Variants in FAAH2 observed in about 807,000 individuals in gnomAD.
FAAH2 encodes fatty acid amide hydrolase 2, also known as fatty-acid amide hydrolase 2.
A neutral mutation model predicts 36.9 loss-of-function variants in FAAH2; 60 were observed. That is an observed-to-expected ratio of 1.63 (90% CI 1.32 to 2.02). The LOEUF (loss-of-function observed/expected upper bound fraction) is 2.02, where lower values mean the gene tolerates loss of function less well. FAAH2 is among the 30% of genes most tolerant of loss of function. The pLI is 0.00. For missense variants in FAAH2, 689 were observed against 397.5 expected, an observed-to-expected ratio of 1.73 and a Z score of -6.23; for synonymous variants, 214 against 143.8, an observed-to-expected ratio of 1.49 and a Z score of -3.49.
At chrX:57,181,104 A>T in the FAAH2 span, among the ~76,000 whole-genome samples, 1 of 111,678 alleles carries the variant, frequency 9.0e-6, no homozygotes, top group Non-Finnish European at 1.9e-5. Flanking sequence ...GCTCTCAACA[A>T]ACTAGATTTT....
the FAAH2 span, among the ~76,000 whole-genome samples, chrX:57,186,576 A>C: frequency 8.9e-5 from 10 of 111,746 alleles, no homozygotes; most frequent in African/African-American, 3.3e-4. Context: ...ATTAGATCCC[A>C]CTTGTCAATT....
chrX:57,185,448 T>C, the FAAH2 span, among the ~76,000 whole-genome samples: 1 of 110,349 alleles, frequency 9.1e-6, no homozygotes, highest in Non-Finnish European at 1.9e-5. Context: ...AAATCCATTG[T>C]GTAGAAGTAC....
chrX:57,231,034 AGTGTGTGTGTGT>A, the FAAH2 span, among the ~76,000 whole-genome samples: 134 of 94,455 alleles, frequency 1.4e-3, 1 homozygote, highest in Middle Eastern at 5.5e-3. Flanking sequence ...CTCCAAAGGA[AGTGTGTGTGTGT>A]GTGTGTGTGT....
chrX:57,358,940 G>A (rs1312121529), intron 5 of FAAH2, among the ~76,000 whole-genome samples: 1 of 110,969 alleles, frequency 9.0e-6, no homozygotes, highest in African/African-American at 3.3e-5. Context: ...TGGGGTACAT[G>A]AGATATTTTG....
At chrX:57,242,060 C>A in the FAAH2 span, among the ~76,000 whole-genome samples, 3 of 112,721 alleles carry the variant, frequency 2.7e-5, no homozygotes, top group Admixed American at 9.3e-5. Flanking sequence ...CAGAGAGCAG[C>A]GTATCCTGAC....
chrX:57,212,018 A>G, the FAAH2 span, among the ~76,000 whole-genome samples: 2 of 111,872 alleles, frequency 1.8e-5, no homozygotes, highest in African/African-American at 6.5e-5. Context: ...AGATGATTGC[A>G]TGAAGCCCAG....
At chrX:57,148,327 C>T in the FAAH2 span, among the ~76,000 whole-genome samples, 1 of 111,694 alleles carries the variant, frequency 9.0e-6, no homozygotes, top group African/African-American at 3.3e-5. Flanking sequence ...ATGGGGATGG[C>T]ATTGAATCTA....
At chrX:57,437,795 T>C (rs1256161312) in intron 8 of FAAH2, among the ~76,000 whole-genome samples, 1 of 102,463 alleles carries the variant, frequency 9.8e-6, no homozygotes, top group Non-Finnish European at 2.0e-5. Flanking sequence ...ATATTAAATA[T>C]GTTATAATCA....
the FAAH2 span, among the ~76,000 whole-genome samples, chrX:57,196,591 G>A: frequency 9.0e-6 from 1 of 111,526 alleles, no homozygotes; most frequent in East Asian, 2.8e-4. Context: ...AGGACTTCCA[G>A]TACTATGTTG....
intron 2 of FAAH2, among the ~76,000 whole-genome samples, chrX:57,303,978 G>A (rs934220867): frequency 1.8e-5 from 2 of 111,392 alleles, no homozygotes; most frequent in East Asian, 2.8e-4. Flanking sequence ...AGGCTGAGGC[G>A]GGCAGATTAC....
intron 10 of FAAH2, among the ~76,000 whole-genome samples, chrX:57,474,049 T>G (rs1349450002): frequency 8.9e-6 from 1 of 111,791 alleles, no homozygotes; most frequent in Non-Finnish European, 1.9e-5. Context: ...ATAGTGTTAG[T>G]TATTTTGGAG....
At chrX:57,454,424 T>A (rs1439223036) in intron 10 of FAAH2, among the ~76,000 whole-genome samples, 2 of 111,686 alleles carry the variant, frequency 1.8e-5, no homozygotes, top group Non-Finnish European at 3.8e-5. Context: ...CCCTTACCTA[T>A]AAACGTACAC....
the FAAH2 span, among the ~76,000 whole-genome samples, chrX:57,204,027 G>A: frequency 2.7e-5 from 3 of 110,992 alleles, no homozygotes; most frequent in South Asian, 3.8e-4. Flanking sequence ...TGACTGTTTT[G>A]TTTAGACCAC....
At chrX:57,332,214 T>A (rs922686910) in intron 4 of FAAH2, among the ~76,000 whole-genome samples, 2 of 112,578 alleles carry the variant, frequency 1.8e-5, no homozygotes, top group Non-Finnish European at 3.7e-5. Context: ...CATTTGAGAC[T>A]TCTTTTAATA....
intron 7 of FAAH2, among the ~76,000 whole-genome samples, chrX:57,404,396 A>G (rs2055515744): frequency 8.9e-6 from 1 of 112,158 alleles, no homozygotes; most frequent in Non-Finnish European, 1.9e-5. Flanking sequence ...ATTTGCCACT[A>G]TATGAATATG....
At chrX:57,446,120 G>T (rs948452221) in intron 8 of FAAH2, among the ~76,000 whole-genome samples, 1 of 112,295 alleles carries the variant, frequency 8.9e-6, no homozygotes, top group Non-Finnish European at 1.9e-5. Context: ...GCAATGCAAA[G>T]TAGCCCATTC....
the FAAH2 span, among the ~76,000 whole-genome samples, chrX:57,129,396 T>C: frequency 8.9e-6 from 1 of 111,946 alleles, no homozygotes; most frequent in African/African-American, 3.2e-5. Flanking sequence ...ATTAGAAAGC[T>C]AGCAATATCT....
intron 7 of FAAH2, among the ~76,000 whole-genome samples, chrX:57,390,942 A>G (rs1161735838): frequency 9.0e-6 from 1 of 111,630 alleles, no homozygotes; most frequent in Non-Finnish European, 1.9e-5. Context: ...CAATATGCCA[A>G]CAGTGTATAA....
intron 10 of FAAH2, among the ~76,000 whole-genome samples, chrX:57,488,440 G>C (rs908453955): frequency 9.0e-6 from 1 of 111,120 alleles, no homozygotes; most frequent in South Asian, 3.7e-4. Context: ...AGAACTTTAG[G>C]CTATTATTCA....
Sources: gnomAD v4.1 joint callset for allele counts (sites outside exome capture counted in the v4.1 genomes callset) on GRCh38, gnomAD v4.1.1 for gene constraint, MANE v1.5 for transcripts, NCBI Gene and HGNC (gene_info 2026-07-23, HGNC 2026-07-21) for gene names.